Variants in ZFHX3 observed in about 807,000 individuals in gnomAD.
ZFHX3 encodes the protein zinc finger homeobox protein 3.
Under a neutral mutation model 279.1 loss-of-function variants are expected in ZFHX3, and 42 were observed. That is an observed-to-expected ratio of 0.15 (90% CI 0.12 to 0.19). The LOEUF is 0.19. Ranked by LOEUF, ZFHX3 falls within the 10% of genes least tolerant of loss-of-function variation. The pLI is 1.00. For synonymous variants in ZFHX3, 2,293 were observed against 1,957.8 expected (o/e 1.17, Z -4.52); for missense variants, 4,981 against 4,754.0 (o/e 1.05, Z -1.40).
chr16:73,109,448 C>T (rs1156636881), intron 7 of ZFHX3, among the ~76,000 whole-genome samples: 1 of 152,090 alleles, frequency 6.6e-6, no homozygotes, highest in Non-Finnish European at 1.5e-5. Flanking sequence ...CTTGGTATCA[C>T]AAATAAAGCT....
chr16:73,464,773 G>C (rs1567492082), intron 2 of ZFHX3, among the ~76,000 whole-genome samples: 1 of 152,228 alleles, frequency 6.6e-6, no homozygotes. Context: ...CAAGGGGCTT[G>C]GGGTCCAACT....
Position 72,959,241 on chromosome 16 carries a change from A to G in ZFHX3, c.905T>C (p.Val302Ala), listed in dbSNP as rs1405319453. ...GYVRSFVTHA[V>A]HDHRMTLSED... ...GCTCAGGGTCATTCGATGGTCATGC[A>G]CCGCGTGGGTCACAAACGAACGGAC... The change falls in exon 2 of 10, where the codon GTG (valine) becomes GCG (alanine). Residue 302 changes from valine (V) to alanine (A), a missense_variant. By Grantham distance (64) the Val-to-Ala change is moderately conservative. This residue lies in a region of ZFHX3 where 1,068 missense variants were observed against 935.2 expected (regional missense o/e 1.14). Transcript: ENST00000268489. 2 of 1,614,052 alleles carry G rather than the reference A, an allele frequency of 1.2e-6. No individual in the cohort carries two copies. The highest frequency in any genetic ancestry group is 8.5e-7 in the Non-Finnish European group (1 of 1,180,042).
At chr16:73,260,986 T>C (rs1307525259) in intron 4 of ZFHX3, among the ~76,000 whole-genome samples, 1 of 152,138 alleles carries the variant, frequency 6.6e-6, no homozygotes, top group Non-Finnish European at 1.5e-5. Context: ...GCCCAGCCTA[T>C]GCACCTAACT....
chr16:73,604,664 C>A (rs1398835922), intron 2 of ZFHX3, among the ~76,000 whole-genome samples: 1 of 151,636 alleles, frequency 6.6e-6, no homozygotes, highest in Non-Finnish European at 1.5e-5. Context: ...AGAATGGCTT[C>A]ACCCCGGGAG....
At chr16:72,896,554 A>T (rs1264928159) in intron 3 of ZFHX3, among the ~76,000 whole-genome samples, 1 of 152,268 alleles carries the variant, frequency 6.6e-6, no homozygotes, top group Admixed American at 6.5e-5. Flanking sequence ...ATTCTACCCC[A>T]TTAGTATGTT....
At chr16:73,648,536 T>G (rs896305790) in intron 2 of ZFHX3, among the ~76,000 whole-genome samples, 2 of 152,150 alleles carry the variant, frequency 1.3e-5, no homozygotes, top group African/African-American at 4.8e-5. Context: ...ATTACAGACG[T>G]GCACAACCAT....
rs557996764 is a variant in ZFHX3, at chr16:73,850,195, G to T, written c.-1608+41456C>A. On this transcript the variant is annotated intron_variant, in intron 1 of 17. Coordinates refer to the ZFHX3 transcript ENST00000641206. ...GAGGTAGAGCAACATACTTTAGACC[G>T]TGGGTTTTGAAGTCAAATGACATCT... Among the ~76,000 whole-genome samples, 4 of 152,304 alleles carry T rather than the reference G, an allele frequency of 2.6e-5. No individual in the cohort carries two copies. In the South Asian group the frequency reaches 8.3e-4, roughly 32 times the overall value.
intron 1 of ZFHX3, among the ~76,000 whole-genome samples, chr16:73,772,387 A>G (rs1183848525): frequency 6.6e-6 from 1 of 152,164 alleles, no homozygotes; most frequent in African/African-American, 2.4e-5. Context: ...TCATAAAACC[A>G]TCAGATCTTG....
At chr16:72,821,864 G>A (rs1341072265) in intron 5 of ZFHX3, 1 of 152,198 alleles carries the variant, frequency 6.6e-6, no homozygotes, top group Admixed American at 6.5e-5. Flanking sequence ...TAGAAGGATT[G>A]GGAAATAATA....
rs1273463892 is a variant in ZFHX3 at position 73,682,966 on chromosome 16, GA to G, written c.-1607-2727del. Reference sequence around the variant, plus strand: ...AGAAAGAAAGAAAGAAAGAAAGAAAGAAAGAAAGAAAGAAAGAAAGAAAGAA... The same window carrying G: ...AGAAAGAAAGAAAGAAAGAAAGAAAGAAGAAAGAAAGAAAGAAAGAAAGAA... On this transcript the variant is annotated intron_variant, in intron 1 of 17. Coordinates refer to the ZFHX3 transcript ENST00000641206. Among the ~76,000 whole-genome samples the G allele has an allele frequency of 1.1e-4, 3 of 26,486 alleles. 1 individual carries two copies. Among genetic ancestry groups the G allele is most frequent in the Non-Finnish European group, 2.3e-4 (3 of 13,012 alleles). The allele number at this position is 26,486 out of a possible 152,430, so 17.4% of individuals were successfully genotyped here.
intron 2 of ZFHX3, among the ~76,000 whole-genome samples, chr16:73,669,793 A>T: frequency 6.6e-6 from 1 of 152,220 alleles, no homozygotes; most frequent in Non-Finnish European, 1.5e-5. Context: ...AGACCGTGGC[A>T]GCATTATTGG....
chr16:72,812,913 T>A (rs557307600), intron 5 of ZFHX3, among the ~76,000 whole-genome samples: 127 of 152,342 alleles, frequency 8.3e-4, no homozygotes, highest in Non-Finnish European at 1.5e-3. Context: ...TCTCTATTTT[T>A]AACCCCAATC....
chr16:73,343,457 G>A (rs2016071343), intron 3 of ZFHX3, among the ~76,000 whole-genome samples: 1 of 152,146 alleles, frequency 6.6e-6, no homozygotes. Flanking sequence ...ACATGCGGTG[G>A]CTCACACCTG....
intron 3 of ZFHX3, among the ~76,000 whole-genome samples, chr16:72,923,616 C>T (rs781207201): frequency 3.3e-5 from 5 of 151,932 alleles, no homozygotes; most frequent in Non-Finnish European, 5.9e-5. Context: ...CTGTTTTATA[C>T]ATGTCATATA....
At chr16:73,583,331 T>C (rs1202040036) in intron 2 of ZFHX3, among the ~76,000 whole-genome samples, 1 of 152,140 alleles carries the variant, frequency 6.6e-6, no homozygotes, top group African/African-American at 2.4e-5. Flanking sequence ...AGAAGAAACC[T>C]GTGGTACTAA....
intron 2 of ZFHX3, among the ~76,000 whole-genome samples, chr16:73,556,065 C>T (rs1464506221): frequency 6.6e-6 from 1 of 152,020 alleles, no homozygotes; most frequent in Non-Finnish European, 1.5e-5. Flanking sequence ...AGGAAGCAGC[C>T]GGAGCATTTG....
rs546447820 is a variant in ZFHX3 at position 73,442,916 on chromosome 16, T to G, written c.-1291+13087A>C. ...ATGTGCCACCTAACCCGGCTAATTT[T>G]TTATTTTATTTATTTTGTAGAGACG... is the stretch of plus-strand genomic sequence containing the variant. On this transcript the variant is annotated intron_variant, in intron 3 of 17. Coordinates refer to the ZFHX3 transcript ENST00000641206. 1.1e-4 allele frequency among the ~76,000 whole-genome samples: 17 copies of G among 152,294 alleles called. No homozygotes were observed. The South Asian group carries it at 3.3e-3, about 30-fold the overall frequency.
intron 1 of ZFHX3, among the ~76,000 whole-genome samples, chr16:73,029,851 C>A (rs978651526): frequency 5.3e-5 from 8 of 152,164 alleles, no homozygotes; most frequent in African/African-American, 9.7e-5. Flanking sequence ...AAAATGAGTT[C>A]TTTCTCTGTC....
intron 1 of ZFHX3, among the ~76,000 whole-genome samples, chr16:73,000,567 A>G (rs1473940896): frequency 6.6e-6 from 1 of 152,182 alleles, no homozygotes; most frequent in Non-Finnish European, 1.5e-5. Flanking sequence ...AAAAAGGGAC[A>G]ACTTCAGGAA....
Sources: allele counts gnomAD v4.1 joint callset (sites outside exome capture counted in the v4.1 genomes callset), GRCh38; gene constraint gnomAD v4.1.1; regional missense constraint gnomAD v4.1.1; transcripts MANE v1.5; gene names NCBI Gene and HGNC (gene_info 2026-07-23, HGNC 2026-07-21).